The following NECTIN1 variants were observed in gnomAD, a reference collection of about 807,000 sequenced individuals.
The protein encoded by NECTIN1 is nectin cell adhesion molecule 1.
NECTIN1 carries 23 observed loss-of-function variants against 48.0 expected under a neutral mutation model. The ratio of observed to expected loss-of-function variants is 0.48; its 90% CI spans 0.34 to 0.68. The LOEUF (loss-of-function observed/expected upper bound fraction) is 0.68. NECTIN1 is among the 30% of genes least tolerant of loss of function. The probability of loss-of-function intolerance (pLI) is 0.01; values close to 1 mark genes in which losing one functional copy is unlikely to be tolerated. For missense variants in NECTIN1, 591 were observed against 709.9 expected (o/e 0.83, Z 1.90); for synonymous variants, 270 against 288.9 (o/e 0.93, Z 0.66).
intron 1 of NECTIN1, among the ~76,000 whole-genome samples, chr11:119,680,481 A>G (rs929244966): frequency 1.7e-4 from 26 of 151,896 alleles, no homozygotes; most frequent in African/African-American, 5.6e-4. Context: ...ATGCTCACTC[A>G]CCTCCTCAGC....
intron 1 of NECTIN1, among the ~76,000 whole-genome samples, chr11:119,706,905 G>C (rs1289365510): frequency 6.6e-6 from 1 of 152,206 alleles, no homozygotes; most frequent in Non-Finnish European, 1.5e-5. Flanking sequence ...CTGAGGACCA[G>C]AGTGTTGGTG....
intron 1 of NECTIN1, among the ~76,000 whole-genome samples, chr11:119,706,247 A>C (rs1215840397): frequency 1.3e-5 from 2 of 152,154 alleles, no homozygotes; most frequent in Admixed American, 6.5e-5. Flanking sequence ...TTCAGCACCA[A>C]CACCAGCGGA....
intron 5 of NECTIN1, among the ~76,000 whole-genome samples, chr11:119,668,178 C>A (rs1465953626): frequency 6.6e-6 from 1 of 152,226 alleles, no homozygotes; most frequent in African/African-American, 2.4e-5. Flanking sequence ...TCTGTACCAA[C>A]CTGGTTTGCC....
At chr11:119,697,528 T>A (rs1865362863) in intron 1 of NECTIN1, among the ~76,000 whole-genome samples, 1 of 152,164 alleles carries the variant, frequency 6.6e-6, no homozygotes, top group South Asian at 2.1e-4. Context: ...TGGCAGCAAG[T>A]TATTTTATTT....
chr11:119,715,975 G>A (rs902364889), intron 1 of NECTIN1, among the ~76,000 whole-genome samples: 1 of 152,220 alleles, frequency 6.6e-6, no homozygotes, highest in African/African-American at 2.4e-5. Context: ...TCGAGTGAAT[G>A]CCAGGATGAA....
At chr11:119,725,607 A>G (rs1055999023) in intron 1 of NECTIN1, among the ~76,000 whole-genome samples, 1 of 152,208 alleles carries the variant, frequency 6.6e-6, no homozygotes, top group African/African-American at 2.4e-5. Flanking sequence ...GAAGGACACC[A>G]CTGTATGTGA....
chr11:119,639,473 C>A, intron 6 of NECTIN1: 1 of 310,500 alleles, frequency 3.2e-6, no homozygotes, highest in Non-Finnish European at 6.1e-6. Flanking sequence ...TACTTTGTGC[C>A]TCTCTCTCCT....
chr11:119,665,163 G>T lies in NECTIN1; in HGVS notation c.1138C>A (p.Arg380=). Residue 380 remains arginine (R), a synonymous_variant, in exon 6 of 6, where the codon CGG becomes AGG. Transcript: ENST00000264025. This position sits in a 1 kb window ranked among gnomAD's most constrained non-coding sequence, Gnocchi z 5.1. ...TCACCCTTGAAGGTGTGCCGGCGCC[G>T]ACGCAGGGCGACCACGATCCCGCCG... ...VVGGIVVALR[R]RRHTFKGDYS... The T allele has an allele frequency of 6.2e-7, 1 of 1,612,460 alleles. No individual in the cohort carries two copies.
intron 5 of NECTIN1, among the ~76,000 whole-genome samples, chr11:119,652,041 C>T (rs1012433055): frequency 1.3e-5 from 2 of 152,178 alleles, no homozygotes; most frequent in African/African-American, 4.8e-5. Context: ...CAGCATATTA[C>T]CTCCCTCCCG....
chr11:119,644,729 A>G (rs761051199), intron 5 of NECTIN1, among the ~76,000 whole-genome samples: 1 of 152,182 alleles, frequency 6.6e-6, no homozygotes, highest in Non-Finnish European at 1.5e-5. Flanking sequence ...CGCGAGAAGA[A>G]CATTGTAGGC....
At chr11:119,723,476 G>T (rs923212591) in intron 1 of NECTIN1, among the ~76,000 whole-genome samples, 4 of 152,180 alleles carry the variant, frequency 2.6e-5, no homozygotes, top group African/African-American at 9.7e-5. Flanking sequence ...GTGAAAGGCA[G>T]ACCTCCCACT....
chr11:119,721,541 G>T (rs1455399976), intron 1 of NECTIN1, among the ~76,000 whole-genome samples: 1 of 152,250 alleles, frequency 6.6e-6, no homozygotes, highest in Admixed American at 6.5e-5. Context: ...GGCCAGGAGG[G>T]TTTTATTGTC....
At chr11:119,705,526 A>G (rs568639715) in intron 1 of NECTIN1, among the ~76,000 whole-genome samples, 1 of 152,358 alleles carries the variant, frequency 6.6e-6, no homozygotes, top group South Asian at 2.1e-4. Context: ...TATTCCAGGC[A>G]GAGGCAGCAG....
intron 1 of NECTIN1, among the ~76,000 whole-genome samples, chr11:119,711,445 G>A (rs1214384156): frequency 1.3e-5 from 2 of 151,922 alleles, no homozygotes; most frequent in Non-Finnish European, 2.9e-5. Flanking sequence ...GGGTTGTGAA[G>A]CCAGCCAGCT....
intron 1 of NECTIN1, among the ~76,000 whole-genome samples, chr11:119,700,078 G>A (rs1427890048): frequency 3.9e-5 from 6 of 152,194 alleles, no homozygotes; most frequent in South Asian, 2.1e-4. Context: ...TTCATGATTC[G>A]AGGCCCTGAA....
chr11:119,677,816 G>A lies in NECTIN1; in HGVS notation c.472C>T (p.Arg158Ter), dbSNP rs2135551778. The part of the protein sequence containing the change: ...NWIEGTQAVL[R>*]AKKGQDDKVL... Reference sequence around the variant, plus strand: ...TTGTCATCCTGCCCCTTCTTGGCTCGAAGCACTGCCTGGGTACCCTCTATC... The same window carrying A: ...TTGTCATCCTGCCCCTTCTTGGCTCAAAGCACTGCCTGGGTACCCTCTATC... The change falls in exon 3 of 6, where the codon CGA becomes TGA. Residue 158 changes from arginine to a stop codon, truncating the protein, a stop_gained. Transcript: ENST00000264025. LOFTEE classifies it high-confidence loss of function. This position sits in a 1 kb window ranked among gnomAD's most constrained non-coding sequence, Gnocchi z 5.4. 3.7e-6 allele frequency: 6 copies of A among 1,614,140 alleles called. No individual in the cohort carries two copies. Among genetic ancestry groups the A allele is most frequent in the Non-Finnish European group, 5.1e-6 (6 of 1,180,024 alleles).
In NECTIN1 at chr11:119,684,513, G is replaced by A. The variant is rs148519013; in HGVS notation, c.80-5748C>T. Among the ~76,000 whole-genome samples the A allele has an allele frequency of 1.5e-3, 227 of 152,310 alleles. 1 individual carries two copies. Among genetic ancestry groups the A allele is most frequent in the Middle Eastern group, 6.8e-3 (2 of 294 alleles). On this transcript the variant is annotated intron_variant, in intron 1 of 5. Transcript: ENST00000264025. This position sits in a 1 kb window ranked among gnomAD's most constrained non-coding sequence, Gnocchi z 5.2. The stretch of plus-strand genomic sequence containing the variant: ...AGGGATGCTCCCACCCCCACCCCAG[G>A]AACTGGCAGAAGGGGACAGGATGTC...
intron 1 of NECTIN1, among the ~76,000 whole-genome samples, chr11:119,680,496 C>T (rs900167178): frequency 4.6e-5 from 7 of 152,158 alleles, no homozygotes; most frequent in East Asian, 1.9e-4. Flanking sequence ...CTCAGCGTGA[C>T]GGGGATATTG....
rs866865635 is a variant in NECTIN1, at chr11:119,709,357, C to T, written c.79+19118G>A. 6.6e-6 allele frequency among the ~76,000 whole-genome samples: 1 copy of T among 152,128 alleles called. No individual in the cohort carries two copies. The highest frequency in any genetic ancestry group is 1.5e-5 in the Non-Finnish European group (1 of 68,008). ...ACCAGCTCCACATCCGGGCCCAGGG[C>T]GCCTCTGTCTGCCACGCACTTGCCT... On this transcript the variant is annotated intron_variant, in intron 1 of 5. Transcript: ENST00000264025. This position sits in a 1 kb window ranked among gnomAD's most constrained non-coding sequence, Gnocchi z 4.1.
Sources: gnomAD v4.1 joint callset for allele counts (sites outside exome capture counted in the v4.1 genomes callset) on GRCh38, gnomAD v4.1.1 for gene constraint, Gnocchi (gnomAD v3.1) non-coding constraint, MANE v1.5 for transcripts, NCBI Gene and HGNC (gene_info 2026-07-23, HGNC 2026-07-21) for gene names.